CORO7: variants seen among roughly 807,000 people sequenced by gnomAD.
The protein encoded by CORO7 is coronin-7.
In CORO7, 107 loss-of-function variants were observed where a neutral mutation model predicts 126.6. The ratio of observed to expected loss-of-function variants is 0.85; its 90% CI spans 0.72 to 0.99. The LOEUF (loss-of-function observed/expected upper bound fraction) is 0.99, where lower values mean the gene tolerates loss of function less well. CORO7 is among the 50% of genes least tolerant of loss of function. CORO7 has a pLI of 0.00. For synonymous variants in CORO7, 603 were observed against 536.8 expected (o/e 1.12, Z -1.70); for missense variants, 1,314 against 1,255.8 (o/e 1.05, Z -0.70).
chr16:4,397,726 G>T (rs1055248851), intron 6 of CORO7, among the ~76,000 whole-genome samples: 2 of 151,972 alleles, frequency 1.3e-5, no homozygotes, highest in African/African-American at 2.4e-5. Flanking sequence ...CGATTCTCCT[G>T]CCTCAGCCTC....
chr16:4,408,690 T>C (rs1453866368), intron 3 of CORO7, among the ~76,000 whole-genome samples: 2 of 152,206 alleles, frequency 1.3e-5, no homozygotes, highest in African/African-American at 2.4e-5. Flanking sequence ...TGGCCGGGCA[T>C]GGTGGCTCAT....
At chr16:4,388,760 C>A in intron 7 of CORO7, 129 bp from the exon 8 acceptor site, 1 of 1,006,848 alleles carries the variant, frequency 9.9e-7, no homozygotes, top group Non-Finnish European at 1.4e-6. Context: ...GTGGGAAGGG[C>A]TGGGTCCTTC....
chr16:4,385,423 C>G (rs1421335997), intron 9 of CORO7, among the ~76,000 whole-genome samples: 3 of 152,148 alleles, frequency 2.0e-5, no homozygotes, highest in African/African-American at 7.2e-5. Flanking sequence ...GGGGGTGATA[C>G]AGTTCACCCA....
In CORO7 at chr16:4,388,662, C is replaced by T. The variant is rs778429498; in HGVS notation, c.616-31G>A. On this transcript the variant is annotated intron_variant, in intron 7 of 27. Transcript: ENST00000251166. The stretch of plus-strand genomic sequence containing the variant: ...GGAGGCAAGAGGTGGACCTGAGCCC[C>T]CAGGGCCCTGCTGGTGGGCGGGGCC... 15 of 1,597,912 alleles carry T rather than the reference C, an allele frequency of 9.4e-6. No individual in the cohort carries two copies. The African/African-American group carries it at 1.9e-4, about 20-fold the overall frequency.
chr16:4,362,815 G>C lies in CORO7; in HGVS notation c.1276-77C>G. ...AGGAGGGGGTGCCAGCGGACTCCAG[G>C]GTCACCACTCTGGGCCCCCTGCGGA... On this transcript the variant is annotated intron_variant, in intron 14 of 27. Transcript: ENST00000251166. The surrounding 1 kb of genome is among the most constrained non-coding windows in gnomAD (Gnocchi z 5.3). 1 of 1,269,400 alleles carries C rather than the reference G, an allele frequency of 7.9e-7. No homozygotes were observed. The highest frequency in any genetic ancestry group is 3.1e-5 in the East Asian group (1 of 31,816). The allele number at this position is 1,269,400 out of a possible 1,614,324, so 78.6% of individuals were successfully genotyped here.
intron 1 of CORO7, among the ~76,000 whole-genome samples, chr16:4,413,836 C>T (rs917291318): frequency 1.3e-5 from 2 of 151,760 alleles, no homozygotes; most frequent in African/African-American, 2.4e-5. Context: ...CCGCCCCCAG[C>T]CGTGTTGTGT....
intron 26 of CORO7, among the ~76,000 whole-genome samples, chr16:4,355,989 T>C (rs757293629): frequency 6.6e-6 from 1 of 152,138 alleles, no homozygotes; most frequent in Non-Finnish European, 1.5e-5. Context: ...GTTTTGTTCT[T>C]GTTGCCTAGG....
Position 4,364,339 on chromosome 16 carries a change from C to T in CORO7, c.1212G>A (p.Glu404=). ...SFTSCLVPPA[E]PLPDTAQPAV... ...CAGGCTGGGCTGTGTCAGGGAGGGG[C>T]TCCGCAGGGGGCACCAGACAGGAAG... The change falls in exon 14 of 28, where the codon GAG becomes GAA. Residue 404 remains glutamate (E), a synonymous_variant. Transcript: ENST00000251166. 6.5e-7 allele frequency: 1 copy of T among 1,534,898 alleles called. No individual in the cohort carries two copies. Among genetic ancestry groups the T allele is most frequent in the Non-Finnish European group, 8.7e-7 (1 of 1,145,060 alleles).
intron 7 of CORO7, among the ~76,000 whole-genome samples, chr16:4,392,146 C>T (rs1048554984): frequency 2.1e-4 from 32 of 152,284 alleles, no homozygotes; most frequent in African/African-American, 6.5e-4. Flanking sequence ...GGCCCCCTCC[C>T]GCCCAGACAA....
intron 25 of CORO7, 57 bp downstream of exon 25, chr16:4,357,911 T>C (rs777343569): frequency 5.1e-6 from 8 of 1,555,532 alleles, no homozygotes; most frequent in East Asian, 2.3e-5. Context: ...CTGGGCCTTC[T>C]GTCCCTTTCT....
At chr16:4,356,055 G>A (rs1400168423) in intron 26 of CORO7, among the ~76,000 whole-genome samples, 1 of 152,034 alleles carries the variant, frequency 6.6e-6, no homozygotes, top group Admixed American at 6.6e-5. Context: ...CTGGGTTCAA[G>A]CGATTCTCCT....
At chr16:4,365,743 C>T (rs1194234987) in intron 9 of CORO7, among the ~76,000 whole-genome samples, 198 bp from the exon 10 acceptor site, 1 of 152,104 alleles carries the variant, frequency 6.6e-6, no homozygotes. Flanking sequence ...ACCCCAGCTG[C>T]TCCTCCCCAG....
chr16:4,387,738 C>T lies in CORO7; in HGVS notation c.785+248G>A, dbSNP rs548014959. On this transcript the variant is annotated intron_variant, in intron 9 of 27. Coordinates refer to ENST00000251166, the MANE Select transcript of CORO7 (RefSeq NM_024535.5). The stretch of plus-strand genomic sequence containing the variant: ...CTGTGTCAACCCCCAGCCATGAAAC[C>T]TCTGGTGACCAAGGGCCCACTCTGC... 4 of 574,396 alleles carry T rather than the reference C, an allele frequency of 7.0e-6. No homozygotes were observed. The East Asian group carries it at 1.1e-4, about 16-fold the overall frequency. The allele number at this position is 574,396 out of a possible 1,614,324, so 35.6% of individuals were successfully genotyped here.
intron 22 of CORO7, 42 bp from the exon 23 acceptor site, chr16:4,359,427 G>A (rs1331493333): frequency 6.2e-7 from 1 of 1,613,304 alleles, no homozygotes; most frequent in Non-Finnish European, 8.5e-7. Context: ...CGGCAACACT[G>A]GCCTTCCCCC....
At chr16:4,401,473 G>A (rs1485403115) in intron 6 of CORO7, among the ~76,000 whole-genome samples, 1 of 152,222 alleles carries the variant, frequency 6.6e-6, no homozygotes, top group Non-Finnish European at 1.5e-5. Context: ...CTGCGTGCCA[G>A]GCGGGCACCA....
At chr16:4,387,064 C>G (rs2055216841) in intron 9 of CORO7, among the ~76,000 whole-genome samples, 1 of 152,202 alleles carries the variant, frequency 6.6e-6, no homozygotes, top group East Asian at 1.9e-4. Context: ...ATTCTCGGAT[C>G]CCCCTGCCTG....
chr16:4,401,673 G>A (rs2055813359), intron 6 of CORO7, among the ~76,000 whole-genome samples: 1 of 152,170 alleles, frequency 6.6e-6, no homozygotes, highest in South Asian at 2.1e-4. Context: ...GCGGGCCAGA[G>A]AGAGCAAGTA....
At chr16:4,396,464 T>C (rs2055596549) in intron 6 of CORO7, among the ~76,000 whole-genome samples, 1 of 152,246 alleles carries the variant, frequency 6.6e-6, no homozygotes, top group African/African-American at 2.4e-5. Flanking sequence ...AAAATCTCCA[T>C]TTGTGTGACC....
chr16:4,392,778 T>A (rs182555465), intron 7 of CORO7, among the ~76,000 whole-genome samples: 130 of 152,310 alleles, frequency 8.5e-4, no homozygotes, highest in African/African-American at 2.8e-3. Flanking sequence ...GTGGGCCAGA[T>A]GCCCTGGGCG....
Sources: allele counts gnomAD v4.1 joint callset (sites outside exome capture counted in the v4.1 genomes callset), GRCh38; gene constraint gnomAD v4.1.1; non-coding constraint Gnocchi (gnomAD v3.1); transcripts MANE v1.5; gene names NCBI Gene and HGNC (gene_info 2026-07-23, HGNC 2026-07-21).